Variants in CDH13 observed in about 807,000 individuals in gnomAD.
CDH13 encodes cadherin 13, also known as cadherin-13.
Under a neutral mutation model 63.8 loss-of-function variants are expected in CDH13, and 24 were observed. The ratio of observed to expected loss-of-function variants is 0.38; its 90% CI spans 0.27 to 0.53. The LOEUF (loss-of-function observed/expected upper bound fraction) is 0.53. Among genes scored for constraint, CDH13 ranks in the 20% least tolerant of loss-of-function variants. The pLI, the probability that CDH13 is intolerant of heterozygous loss-of-function variation, is 0.85. For synonymous variants in CDH13, 503 were observed against 355.3 expected, an observed-to-expected ratio of 1.42 and a Z score of -4.67; for missense variants, 1,049 against 903.1, an observed-to-expected ratio of 1.16 and a Z score of -2.07.
At chr16:83,689,174 G>C (rs1303678809) in intron 10 of CDH13, among the ~76,000 whole-genome samples, 2 of 152,106 alleles carry the variant, frequency 1.3e-5, no homozygotes, top group African/African-American at 4.8e-5. Context: ...ATAATTATCA[G>C]GGTCCTTCTT....
At chr16:83,693,192 T>G (rs1339959187) in intron 10 of CDH13, among the ~76,000 whole-genome samples, 1 of 152,208 alleles carries the variant, frequency 6.6e-6, no homozygotes, top group Admixed American at 6.5e-5. Context: ...AAGTGTAACC[T>G]TGGGCAGATT....
chr16:83,035,578 G>C (rs566423312), intron 3 of CDH13, among the ~76,000 whole-genome samples: 17 of 152,182 alleles, frequency 1.1e-4, no homozygotes, highest in Non-Finnish European at 2.1e-4. Context: ...TGAATAACAA[G>C]CTGGATGGAA....
intron 1 of CDH13, among the ~76,000 whole-genome samples, chr16:82,836,853 G>C (rs1286110089): frequency 6.6e-6 from 1 of 152,182 alleles, no homozygotes; most frequent in Non-Finnish European, 1.5e-5. Context: ...CTCCAAGTGT[G>C]ACTTTCATTT....
chr16:83,430,316 A>G (rs1271073321), intron 6 of CDH13, among the ~76,000 whole-genome samples: 1 of 152,216 alleles, frequency 6.6e-6, no homozygotes, highest in Non-Finnish European at 1.5e-5. Flanking sequence ...AAGACAATGG[A>G]GAAATACACA....
At chr16:83,043,487 ATGAGTGTGTGTGTGTGTG>A (rs1374354400) in intron 3 of CDH13, among the ~76,000 whole-genome samples, 15 of 133,264 alleles carry the variant, frequency 1.1e-4, no homozygotes, top group Non-Finnish European at 1.7e-4. Context: ...AACTGTATAT[ATGAGTGTGTGTGTGTGTG>A]TGTGTGTGTG....
At position 83,443,735 on chromosome 16, in the gene CDH13, AATATAT is replaced by A. The variant is rs1192288855; in HGVS notation, c.782-42719_782-42714del. On this transcript the variant is annotated intron_variant, in intron 6 of 13. Coordinates refer to ENST00000567109, the MANE Select transcript of CDH13 (RefSeq NM_001257.5). Reference sequence around the variant, plus strand: ...AAAAAAAAAAAAAAAAAAAAAAAAAAATATATATATATATATATATATATATATGGA... The same window carrying A: ...AAAAAAAAAAAAAAAAAAAAAAAAAAATATATATATATATATATATATGGA... 8.5e-3 allele frequency among the ~76,000 whole-genome samples: 171 copies of A among 20,058 alleles called. 1 individual carries two copies. Among genetic ancestry groups the A allele is most frequent in the East Asian group, 0.034 (10 of 296 alleles). 13.2% of individuals were successfully genotyped at this position (20,058 alleles called of 152,430 possible).
intron 10 of CDH13, chr16:83,726,154 C>T (rs1910358287): frequency 6.6e-6 from 1 of 152,202 alleles, no homozygotes; most frequent in South Asian, 2.1e-4. Flanking sequence ...AACTTTTTTG[C>T]TCAGCCATTG....
chr16:83,295,152 G>C (rs978890000), intron 5 of CDH13, among the ~76,000 whole-genome samples: 4 of 152,012 alleles, frequency 2.6e-5, no homozygotes, highest in South Asian at 2.1e-4. Context: ...TCAATAAATG[G>C]CATTTGGGAA....
intron 5 of CDH13, among the ~76,000 whole-genome samples, chr16:83,326,528 A>G (rs1276572804): frequency 1.3e-5 from 2 of 151,856 alleles, no homozygotes; most frequent in Non-Finnish European, 2.9e-5. Flanking sequence ...AGGACTATAT[A>G]GTTCAACCGA....
chr16:82,711,460 C>T (rs1426192905), intron 1 of CDH13, among the ~76,000 whole-genome samples: 2 of 152,154 alleles, frequency 1.3e-5, no homozygotes, highest in African/African-American at 4.8e-5. Context: ...GCCCTTCAAG[C>T]ATACTTCATC....
chr16:83,452,325 T>G (rs1377093063), intron 6 of CDH13, among the ~76,000 whole-genome samples: 1 of 148,530 alleles, frequency 6.7e-6, no homozygotes, highest in Non-Finnish European at 1.5e-5. Context: ...ACATGACTCA[T>G]TTTTTTCATT....
chr16:82,683,631 T>G (rs77644771), intron 1 of CDH13, among the ~76,000 whole-genome samples: 2,113 of 152,328 alleles, frequency 0.014, 32 homozygotes, highest in Middle Eastern at 0.031. Flanking sequence ...CATTCATGGA[T>G]TGAGGAATGC....
chr16:82,636,789 T>C (rs1908707549), intron 1 of CDH13, among the ~76,000 whole-genome samples: 1 of 152,210 alleles, frequency 6.6e-6, no homozygotes, highest in South Asian at 2.1e-4. Flanking sequence ...ACCAAGTAAT[T>C]TGTAGCTCTT....
chr16:83,728,494 A>G (rs1445180372), intron 10 of CDH13, among the ~76,000 whole-genome samples: 1 of 152,184 alleles, frequency 6.6e-6, no homozygotes, highest in Admixed American at 6.5e-5. Flanking sequence ...GATAAGAACT[A>G]CATTAAAGCT....
intron 7 of CDH13, 124 bp downstream of exon 7, chr16:83,486,779 C>A: frequency 2.3e-6 from 2 of 853,266 alleles, no homozygotes; most frequent in Non-Finnish European, 3.6e-6. Flanking sequence ...GAGGTGTTTA[C>A]CATGTTTTGG....
intron 10 of CDH13, among the ~76,000 whole-genome samples, chr16:83,702,642 A>C (rs1030751734): frequency 2.6e-5 from 4 of 152,188 alleles, no homozygotes; most frequent in African/African-American, 9.7e-5. Context: ...AGTGCTTCTC[A>C]TCTCCCCACC....
At chr16:83,313,239 T>A (rs2090037613) in intron 5 of CDH13, among the ~76,000 whole-genome samples, 1 of 152,234 alleles carries the variant, frequency 6.6e-6, no homozygotes, top group Admixed American at 6.5e-5. Context: ...TCTGAGTGAC[T>A]GGCAGATTTC....
chr16:82,955,376 G>C (rs1483014825), intron 2 of CDH13, among the ~76,000 whole-genome samples: 1 of 152,136 alleles, frequency 6.6e-6, no homozygotes. Context: ...AGTTGAGTAG[G>C]TTCTGGATTT....
chr16:83,201,658 G>A (rs1747052069), intron 4 of CDH13, among the ~76,000 whole-genome samples: 1 of 152,042 alleles, frequency 6.6e-6, no homozygotes, highest in Non-Finnish European at 1.5e-5. Flanking sequence ...AGCACTTTGG[G>A]AGGCTGAGGC....
Sources: gnomAD v4.1 joint callset for allele counts (sites outside exome capture counted in the v4.1 genomes callset) on GRCh38, gnomAD v4.1.1 for gene constraint, MANE v1.5 for transcripts, NCBI Gene and HGNC (gene_info 2026-07-23, HGNC 2026-07-21) for gene names.